Variants in FAAP20 observed in about 807,000 individuals in gnomAD.
The protein encoded by FAAP20 is FA core complex associated protein 20.
Under a neutral mutation model 16.2 loss-of-function variants are expected in FAAP20, and 12 were observed. The ratio of observed to expected loss-of-function variants is 0.74; its 90% CI spans 0.48 to 1.20. FAAP20 has a LOEUF of 1.20. Among genes scored for constraint, FAAP20 ranks in the 50% most tolerant of loss-of-function variants. The pLI, the probability that FAAP20 is intolerant of heterozygous loss-of-function variation, is 0.00. For synonymous variants in FAAP20, 141 were observed against 110.7 expected (o/e 1.27, Z -1.72); for missense variants, 288 against 245.8 (o/e 1.17, Z -1.15).
chr1:2,205,575 C>G lies in FAAP20; in HGVS notation n.451+730G>C, dbSNP rs186762088. Among the ~76,000 whole-genome samples the G allele has an allele frequency of 4.3e-3, 662 of 152,240 alleles. 6 individuals carry two copies. Among genetic ancestry groups the G allele is most frequent in the African/African-American group, 0.015 (621 of 41,578 alleles). ...GGGGGTTCTGAGCGTGCAGTCGCCG[C>G]CTGCGGACGGCGAAGGGGCGGGTGA... is the stretch of plus-strand genomic sequence containing the variant. On this transcript the variant is annotated intron_variant and non_coding_transcript_variant, in intron 3 of 7. Transcript: ENST00000469733.
upstream of FAAP20, among the ~76,000 whole-genome samples, chr1:2,195,418 G>A (rs959850892): frequency 2.0e-5 from 3 of 152,210 alleles, no homozygotes; most frequent in African/African-American, 7.2e-5. Flanking sequence ...TGCCCCATGG[G>A]CCCAGGCCAC....
In FAAP20 at chr1:2,189,757, G is replaced by T; in HGVS notation, c.495C>A (p.Ser165Arg). 1 of 1,612,800 alleles carries T rather than the reference G, an allele frequency of 6.2e-7. No homozygotes were observed. The highest frequency in any genetic ancestry group is 1.1e-5 in the South Asian group (1 of 91,084). ...APRLTQLDVD[S>R]HLAQCLAEST... ...TTTCGGCCAAGCACTGGGCCAGGTG[G>T]CTGTCAACATCCAGCTGGGTCAGCC... The change falls in exon 4 of 4, where the codon AGC becomes AGA. Residue 165 changes from serine to arginine, a missense_variant. By Grantham distance (110) the Ser-to-Arg change is moderately radical. Transcript: ENST00000378546.
upstream of FAAP20, chr1:2,198,274 T>TGATC: frequency 1.1e-6 from 1 of 937,250 alleles, no homozygotes; most frequent in Non-Finnish European, 1.4e-6. Context: ...GAGCAGAAGG[T>TGATC]GATCGAGTGG....
At chr1:2,191,900 A>G (rs780131854) in intron 3 of FAAP20, 22 of 985,364 alleles carry the variant, frequency 2.2e-5, no homozygotes, top group Non-Finnish European at 2.5e-5. Context: ...AAATGTCCAA[A>G]TAGGACCACA....
In FAAP20 at chr1:2,189,689, G is replaced by A. The variant is rs1360306964; in HGVS notation, c.*20C>T. ...AGCGTGTCCGGGCGCCGCACTCTGC[G>A]CAGGGCTCTTGGATGGCGCTCACCA... On this transcript the variant is annotated 3_prime_UTR_variant, in exon 4 of 4. Transcript: ENST00000378546. 6.2e-7 allele frequency: 1 copy of A among 1,610,372 alleles called. No individual in the cohort carries two copies. The highest frequency in any genetic ancestry group is 8.5e-7 in the Non-Finnish European group (1 of 1,177,682).
chr1:2,190,421 A>C, intron 3 of FAAP20: 1 of 446,076 alleles, frequency 2.2e-6, no homozygotes, highest in Non-Finnish European at 4.6e-6. Flanking sequence ...CGAGTCCTGC[A>C]GGTCAGCGCC....
chr1:2,189,876 G>T, intron 3 of FAAP20, 95 bp from the exon 4 acceptor site: 2 of 972,722 alleles, frequency 2.1e-6, no homozygotes, highest in Non-Finnish European at 3.3e-6. Flanking sequence ...TGCTCCTGCC[G>T]CTGGAGAGGA....
At chr1:2,192,414 A>G in intron 3 of FAAP20, 2 of 996,494 alleles carry the variant, frequency 2.0e-6, no homozygotes, top group Non-Finnish European at 2.4e-6. Context: ...CCAAGCTTTC[A>G]GCAACTGCTT....
chr1:2,209,312 A>G (rs1467721594), downstream of FAAP20, among the ~76,000 whole-genome samples: 4 of 152,030 alleles, frequency 2.6e-5, no homozygotes, highest in Non-Finnish European at 5.9e-5. Context: ...CCCTCCTCCA[A>G]CTCAGCACCT....
rs887654467 is a variant in FAAP20, at chr1:2,193,443, CG to C, written c.470+195del. ...CCCAGCCTGCCCTGCCCACAGAGCA[CG>C]GCAAGCAGGTGGACCCCAGACCCGT... On this transcript the variant is annotated intron_variant, in intron 3 of 3. Coordinates refer to ENST00000378546, the MANE Select transcript of FAAP20 (RefSeq NM_182533.4). 4.4e-5 allele frequency: 36 copies of C among 826,376 alleles called. No homozygotes were observed. In the African/African-American group the frequency reaches 6.3e-4, roughly 15 times the overall value. The allele number at this position is 826,376 out of a possible 1,614,324, so 51.2% of individuals were successfully genotyped here. A position where few individuals can be genotyped will look rare whatever the true frequency, so the allele number is the denominator to read the frequency against.
In FAAP20 at chr1:2,191,969, G is replaced by A. The variant is rs1025658634; in HGVS notation, c.470+1670C>T. Reference sequence around the variant, plus strand: ...TAGTTTGTCAAATCCAGCATTTGACGGTCCTCTGGGTGACCCGGAGAACAC... The same window carrying A: ...TAGTTTGTCAAATCCAGCATTTGACAGTCCTCTGGGTGACCCGGAGAACAC... On this transcript the variant is annotated intron_variant, in intron 3 of 3. Coordinates refer to ENST00000378546, the MANE Select transcript of FAAP20 (RefSeq NM_182533.4). 11 of 985,324 alleles carry A rather than the reference G, an allele frequency of 1.1e-5. No homozygotes were observed. The African/African-American group carries it at 1.2e-4, about 11-fold the overall frequency. 61.0% of individuals were successfully genotyped at this position (985,324 alleles called of 1,614,324 possible). A position where few individuals can be genotyped will look rare whatever the true frequency, so the allele number is the denominator to read the frequency against.
upstream of FAAP20, chr1:2,198,319 G>C (rs576569009): frequency 1.9e-6 from 1 of 518,898 alleles, no homozygotes; most frequent in South Asian, 2.0e-5. Flanking sequence ...TCCTACTCCC[G>C]CACCTGCAGA....
intron 3 of FAAP20, chr1:2,193,420 C>T: frequency 1.4e-6 from 1 of 702,426 alleles, no homozygotes. Context: ...TGTGGGCCCC[C>T]AGCCTGCCCT....
rs1173558874 is a variant in FAAP20 at position 2,189,718 on chromosome 1, C to A, written c.534G>T (p.Val178=). The A allele has an allele frequency of 6.2e-7, 1 of 1,610,166 alleles. No homozygotes were observed. The highest frequency in any genetic ancestry group is 8.5e-7 in the Non-Finnish European group (1 of 1,178,030). ...AQCLAESTED[V]TW is the part of the protein sequence containing the mutation. ...GGCTCTTGGATGGCGCTCACCACGTCACGTCTTCTGTGCTTTCGGCCAAGC... is the reference window on the plus strand; with the variant it reads ...GGCTCTTGGATGGCGCTCACCACGTAACGTCTTCTGTGCTTTCGGCCAAGC... The change falls in exon 4 of 4, where the codon GTG becomes GTT. Residue 178 remains valine (V), a synonymous_variant. Coordinates refer to ENST00000378546, the MANE Select transcript of FAAP20 (RefSeq NM_182533.4).
chr1:2,199,927 A>C (rs1480032141), upstream of FAAP20: 1 of 151,892 alleles, frequency 6.6e-6, no homozygotes, highest in Non-Finnish European at 1.5e-5. This position sits in a 1 kb window ranked among gnomAD's most constrained non-coding sequence, Gnocchi z 4.5. Flanking sequence ...AAAAACACAA[A>C]AATTAGCTGG....
At chr1:2,198,740 C>T (rs1233328810), upstream of FAAP20, 4 of 1,284,482 alleles carry the variant, frequency 3.1e-6, no homozygotes, top group Non-Finnish European at 4.1e-6. Context: ...ACACGGTGCC[C>T]TGGCAGTGCT....
At chr1:2,191,861 C>T (rs1572106917) in intron 3 of FAAP20, 5 of 985,542 alleles carry the variant, frequency 5.1e-6, no homozygotes, top group East Asian at 1.1e-4. Context: ...CATCCACCCA[C>T]GTGACCCGCA....
At chr1:2,185,257 G>A (rs769006667), downstream of FAAP20, 2 of 714,844 alleles carry the variant, frequency 2.8e-6, no homozygotes, top group African/African-American at 3.5e-5. Context: ...CGGATCCGCG[G>A]GGACCCTGCC....
chr1:2,203,277 G>A (rs930101252), upstream of FAAP20, among the ~76,000 whole-genome samples: 22 of 152,196 alleles, frequency 1.4e-4, 1 homozygote, highest in Middle Eastern at 3.2e-3. Flanking sequence ...GAGAGTGGCC[G>A]CTGAGACAAG....
Sources: allele counts gnomAD v4.1 joint callset (sites outside exome capture counted in the v4.1 genomes callset), GRCh38; gene constraint gnomAD v4.1.1; non-coding constraint Gnocchi (gnomAD v3.1); transcripts MANE v1.5; gene names NCBI Gene and HGNC (gene_info 2026-07-23, HGNC 2026-07-21).